AHI1: variants seen among roughly 807,000 people sequenced by gnomAD.
The protein encoded by AHI1 is jouberin.
AHI1 carries 123 observed loss-of-function variants against 149.3 expected under a neutral mutation model. The observed-to-expected ratio is 0.82, with a 90% CI of 0.71 to 0.96. The LOEUF (loss-of-function observed/expected upper bound fraction) is 0.96, where lower values mean the gene tolerates loss of function less well. AHI1 is among the 40% of genes least tolerant of loss of function. The pLI, the probability that AHI1 is intolerant of heterozygous loss-of-function variation, is 0.00. For missense variants in AHI1, 1,439 were observed against 1,422.7 expected (o/e 1.01, Z -0.18); for synonymous variants, 475 against 459.8 (o/e 1.03, Z -0.42).
intron 20 of AHI1, among the ~76,000 whole-genome samples, chr6:135,424,081 A>G (rs530583776): frequency 6.6e-6 from 1 of 152,182 alleles, no homozygotes; most frequent in East Asian, 1.9e-4. Flanking sequence ...AAACATAGAA[A>G]AAACTGTACT....
Position 135,400,385 on chromosome 6 carries a change from T to G in AHI1, c.2988+4566A>C, listed in dbSNP as rs564056779. ...CATTACCACTTTACCTTTACAGCAC[T>G]CTTCCACTAAACATAACTCAATAAA... is the stretch of plus-strand genomic sequence containing the variant. On this transcript the variant is annotated intron_variant, in intron 22 of 28. Coordinates refer to ENST00000265602, the MANE Select transcript of AHI1 (RefSeq NM_001134831.2). 2.0e-5 allele frequency among the ~76,000 whole-genome samples: 3 copies of G among 152,176 alleles called. No homozygotes were observed. The South Asian group carries it at 6.2e-4, about 32-fold the overall frequency.
At chr6:135,453,677 A>T (rs904608911) in intron 10 of AHI1, among the ~76,000 whole-genome samples, 4 of 152,174 alleles carry the variant, frequency 2.6e-5, no homozygotes, top group African/African-American at 9.7e-5. Flanking sequence ...AATCCAAAGC[A>T]AAGTGTTAAT....
chr6:135,469,106 C>T (rs1791284492), intron 5 of AHI1, among the ~76,000 whole-genome samples: 1 of 152,146 alleles, frequency 6.6e-6, no homozygotes, highest in African/African-American at 2.4e-5. Context: ...ATGCAAATAT[C>T]CTCAATAAAA....
At chr6:135,340,654 C>CATATATATATATATAT (rs1290327693) in intron 24 of AHI1, among the ~76,000 whole-genome samples, 3 of 58,584 alleles carry the variant, frequency 5.1e-5, no homozygotes, top group Admixed American at 2.5e-4. Context: ...TATATACATA[C>CATATATATATATATAT]ATACATATAT....
At chr6:135,287,318 C>T (rs901438495) in intron 28 of AHI1, among the ~76,000 whole-genome samples, 2 of 152,046 alleles carry the variant, frequency 1.3e-5, no homozygotes, top group African/African-American at 4.8e-5. Context: ...AAGTAGGCAG[C>T]AAAGATAACA....
At chr6:135,327,683 C>A (rs781367241) in intron 24 of AHI1, among the ~76,000 whole-genome samples, 1 of 152,130 alleles carries the variant, frequency 6.6e-6, no homozygotes, top group Non-Finnish European at 1.5e-5. Flanking sequence ...GGGCTCTAAT[C>A]ACCACCCCCT....
intron 5 of AHI1, among the ~76,000 whole-genome samples, chr6:135,480,274 C>G (rs181892365): frequency 4.8e-4 from 73 of 152,160 alleles, no homozygotes; most frequent in African/African-American, 1.7e-3. Flanking sequence ...CTGGGCAATA[C>G]AGTGAGACAC....
intron 26 of AHI1, among the ~76,000 whole-genome samples, chr6:135,308,861 G>C (rs867776221): frequency 6.6e-6 from 1 of 152,296 alleles, no homozygotes; most frequent in East Asian, 1.9e-4. Context: ...TTTCATTTCA[G>C]AACCACTGGC....
Position 135,457,534 on chromosome 6 carries a change from C to T in AHI1, c.1111G>A (p.Val371Ile), listed in dbSNP as rs1789168406. Residue 371 changes from valine (V) to isoleucine (I), a missense_variant, in exon 9 of 29, where the codon GTT becomes ATT. Physicochemically the swap from Val to Ile is conservative, Grantham distance 29. Coordinates refer to ENST00000265602, the MANE Select transcript of AHI1 (RefSeq NM_001134831.2). ...ISHPMVKIHV[V>I]DEHTGQYVKK... ...ACATATTGACCAGTATGCTCATCAA[C>T]CACATGAATTTTTACCATTGGGTGA... The T allele has an allele frequency of 6.2e-7, 1 of 1,613,792 alleles. No individual in the cohort carries two copies. Among genetic ancestry groups the T allele is most frequent in the South Asian group, 1.1e-5 (1 of 91,064 alleles).
intron 25 of AHI1, 38 bp from the exon 26 acceptor site, chr6:135,318,654 G>T: frequency 7.3e-7 from 1 of 1,377,808 alleles, no homozygotes; most frequent in South Asian, 1.3e-5. Flanking sequence ...ATCAAATTGA[G>T]GAGCACTGCT....
At chr6:135,450,629 A>G (rs1787948602) in intron 11 of AHI1, among the ~76,000 whole-genome samples, 1 of 152,166 alleles carries the variant, frequency 6.6e-6, no homozygotes, top group Non-Finnish European at 1.5e-5. Flanking sequence ...TTATCACGGT[A>G]ATTTTAAAAA....
chr6:135,397,005 T>A (rs1779314645), intron 22 of AHI1, among the ~76,000 whole-genome samples: 1 of 151,930 alleles, frequency 6.6e-6, no homozygotes, highest in African/African-American at 2.4e-5. Context: ...ACAAAATTTT[T>A]TTTTAAAAAA....
At chr6:135,449,872 C>A (rs1484930258) in intron 11 of AHI1, among the ~76,000 whole-genome samples, 2 of 152,126 alleles carry the variant, frequency 1.3e-5, no homozygotes, top group Non-Finnish European at 2.9e-5. Context: ...AATTTGAATT[C>A]AAACAGCCAT....
intron 7 of AHI1, among the ~76,000 whole-genome samples, chr6:135,465,153 C>A (rs1006643217): frequency 6.6e-6 from 1 of 152,104 alleles, no homozygotes; most frequent in African/African-American, 2.4e-5. Context: ...AATGTTCCCA[C>A]CTCAAGTTGT....
At chr6:135,364,699 G>C (rs1176342562) in intron 23 of AHI1, among the ~76,000 whole-genome samples, 1 of 152,102 alleles carries the variant, frequency 6.6e-6, no homozygotes, top group Non-Finnish European at 1.5e-5. Flanking sequence ...AGACCAGCCC[G>C]GCCAACACAG....
rs146658096 is a variant in AHI1 at position 135,475,360 on chromosome 6, A to C, written c.136-7726T>G. The stretch of plus-strand genomic sequence containing the variant: ...TAATTCATGAGCCTGGGTTGCTAAA[A>C]AGCTGCAAATCCCAAGAAGGGCATA... On this transcript the variant is annotated intron_variant, in intron 5 of 28. Coordinates refer to ENST00000265602, the MANE Select transcript of AHI1 (RefSeq NM_001134831.2). Among the ~76,000 whole-genome samples the C allele has an allele frequency of 2.0e-3, 308 of 152,324 alleles. 1 individual carries two copies. Among genetic ancestry groups the C allele is most frequent in the African/African-American group, 7.1e-3 (295 of 41,586 alleles).
intron 5 of AHI1, among the ~76,000 whole-genome samples, chr6:135,481,455 C>T (rs1177641281): frequency 2.0e-5 from 3 of 152,168 alleles, no homozygotes; most frequent in South Asian, 2.1e-4. Flanking sequence ...AAATCCAAAA[C>T]GCTCAAATGA....
intron 27 of AHI1, among the ~76,000 whole-genome samples, chr6:135,296,075 G>A (rs1053118488): frequency 4.6e-5 from 7 of 152,044 alleles, no homozygotes; most frequent in African/African-American, 7.2e-5. Flanking sequence ...GGCTGGTCTC[G>A]AACTCCTGAC....
Position 135,492,297 on chromosome 6 carries a change from G to A in AHI1, c.-54-6C>T, listed in dbSNP as rs1036674761. 54 of 1,492,370 alleles carry A rather than the reference G, an allele frequency of 3.6e-5. No homozygotes were observed. The highest frequency in any genetic ancestry group is 4.1e-5 in the Non-Finnish European group (46 of 1,118,930). The allele number at this position is 1,492,370 out of a possible 1,614,324, so 92.4% of individuals were successfully genotyped here. The stretch of plus-strand genomic sequence containing the variant: ...GCATTGACTCAATCAGGATCCTATC[G>A]AAACAAAGGAGATGTATTTGTAATA... On this transcript the variant is annotated splice_polypyrimidine_tract_variant and splice_region_variant and intron_variant, in intron 3 of 28. Coordinates refer to ENST00000265602, the MANE Select transcript of AHI1 (RefSeq NM_001134831.2).
Sources: allele counts gnomAD v4.1 joint callset (sites outside exome capture counted in the v4.1 genomes callset), GRCh38; gene constraint gnomAD v4.1.1; transcripts MANE v1.5; gene names NCBI Gene and HGNC (gene_info 2026-07-23, HGNC 2026-07-21).